SLC12A7: variants seen among roughly 807,000 people sequenced by gnomAD.
SLC12A7 encodes solute carrier family 12 member 7, also known as K-Cl cotransporter 4.
In SLC12A7, 100 loss-of-function variants were observed where a neutral mutation model predicts 120.6. That is an observed-to-expected ratio of 0.83 (90% confidence interval 0.71 to 0.98). The LOEUF is 0.98. SLC12A7 is among the 50% of genes least tolerant of loss of function. The pLI, the probability that SLC12A7 is intolerant of heterozygous loss-of-function variation, is 0.00. For missense variants in SLC12A7, 1,373 were observed against 1,548.1 expected (o/e 0.89, Z 1.90); for synonymous variants, 760 against 678.0 (o/e 1.12, Z -1.88).
chr5:1,078,728 C>T lies in SLC12A7; in HGVS notation c.1427G>A (p.Cys476Tyr). The T allele has an allele frequency of 1.2e-6, 2 of 1,612,232 alleles. No individual in the cohort carries two copies. Among genetic ancestry groups the T allele is most frequent in the Non-Finnish European group, 8.5e-7 (1 of 1,179,772 alleles). The change falls in exon 11 of 24, where the codon TGC becomes TAC. Residue 476 changes from cysteine to tyrosine, a missense_variant. By Grantham distance (194) the Cys-to-Tyr change is radical. Transcript: ENST00000264930. Reference sequence around the variant, plus strand: ...ATCTCGTAAGACCACGCCTTCAATGCAGGCCCCAAACAGCACAATGCAGGA... The same window carrying T: ...ATCTCGTAAGACCACGCCTTCAATGTAGGCCCCAAACAGCACAATGCAGGA... ...YLSCIVLFGA[C>Y]IEGVVLRDKF...
At chr5:1,066,773 G>C (rs1737099872) in intron 17 of SLC12A7, among the ~76,000 whole-genome samples, 1 of 152,186 alleles carries the variant, frequency 6.6e-6, no homozygotes, top group Non-Finnish European at 1.5e-5. Context: ...GGTCGCCCGG[G>C]GGCCCAGGAG....
rs566675182 is a variant in SLC12A7, at chr5:1,064,899, A to T, written c.2437+384T>A. Among the ~76,000 whole-genome samples the T allele has an allele frequency of 6.2e-5, 9 of 144,790 alleles. 1 individual carries two copies. Among genetic ancestry groups the T allele is most frequent in the Admixed American group, 1.4e-4 (2 of 14,656 alleles). 95.0% of individuals were successfully genotyped at this position (144,790 alleles called of 152,430 possible). ...GGGACGGCGAGGAGATGGTGAGGGG[A>T]CCGCGAGGGGACGGCGAGGAGATGG... On this transcript the variant is annotated intron_variant, in intron 18 of 23. Transcript: ENST00000264930.
chr5:1,152,567 ATCCCCCAAGCTAGAGAAGGGAG>A, the SLC12A7 span, among the ~76,000 whole-genome samples: 185 of 148,752 alleles, frequency 1.2e-3, 1 homozygote, highest in South Asian at 3.0e-3. Context: ...GGTAAGGGAG[ATCCCCCAAGCTAGAGAAGGGAG>A]TCCCCCAAGC....
chr5:1,085,593 G>T, intron 6 of SLC12A7, 120 bp from the exon 7 acceptor site: 1 of 1,378,968 alleles, frequency 7.3e-7, no homozygotes, highest in Non-Finnish European at 9.6e-7. Context: ...GGGCCATCGG[G>T]ACGCATCCGT....
chr5:1,107,409 C>T (rs1742613516), intron 1 of SLC12A7, among the ~76,000 whole-genome samples: 1 of 152,200 alleles, frequency 6.6e-6, no homozygotes, highest in South Asian at 2.1e-4. Context: ...GCCCCACGTC[C>T]AAAGGGCAGA....
At chr5:1,102,049 C>G (rs974287205) in intron 1 of SLC12A7, among the ~76,000 whole-genome samples, 7 of 152,204 alleles carry the variant, frequency 4.6e-5, no homozygotes, top group African/African-American at 1.4e-4. Context: ...GAATGCAGAC[C>G]CTGTGGTCAG....
intron 18 of SLC12A7, among the ~76,000 whole-genome samples, chr5:1,064,892 TGAGGGGACCGC>T (rs1387129887): frequency 1.1e-4 from 10 of 88,856 alleles, no homozygotes; most frequent in African/African-American, 5.1e-4. Flanking sequence ...GAGGAGATGG[TGAGGGGACCGC>T]GAGGGGACGG....
chr5:1,118,625 CCT>C, the SLC12A7 span, among the ~76,000 whole-genome samples: 2 of 152,222 alleles, frequency 1.3e-5, no homozygotes, highest in African/African-American at 2.4e-5. Flanking sequence ...CCGGGGGATG[CCT>C]CTTGCCAGGA....
At chr5:1,077,719 G>A (rs1313242701) in intron 12 of SLC12A7, 114 bp downstream of exon 12, 3 of 1,132,086 alleles carry the variant, frequency 2.6e-6, no homozygotes, top group South Asian at 1.7e-5. Context: ...TGACCACCAT[G>A]GGGTCCAAGC....
chr5:1,069,206 C>T, intron 17 of SLC12A7, among the ~76,000 whole-genome samples: 1 of 152,242 alleles, frequency 6.6e-6, no homozygotes, highest in East Asian at 1.9e-4. Context: ...GGTGGCCATC[C>T]ACGTGGCCAA....
chr5:1,149,434 A>T, the SLC12A7 span, among the ~76,000 whole-genome samples: 3 of 151,944 alleles, frequency 2.0e-5, no homozygotes, highest in East Asian at 5.8e-4. Flanking sequence ...AAAATTAGCC[A>T]GGCGTGGTGG....
chr5:1,078,536 A>G (rs1484649414), intron 11 of SLC12A7, 165 bp downstream of exon 11: 1 of 657,894 alleles, frequency 1.5e-6, no homozygotes. Flanking sequence ...CCAGCGGAAG[A>G]GACGACACAT....
At chr5:1,151,486 A>G in the SLC12A7 span, among the ~76,000 whole-genome samples, 2 of 152,136 alleles carry the variant, frequency 1.3e-5, no homozygotes, top group African/African-American at 4.8e-5. The surrounding 1 kb of genome is among the most constrained non-coding windows in gnomAD (Gnocchi z 6.2). Context: ...AGGTATAATT[A>G]TGAGCGTCTG....
intron 5 of SLC12A7, among the ~76,000 whole-genome samples, chr5:1,087,251 T>C (rs1243667812): frequency 2.0e-5 from 3 of 151,962 alleles, no homozygotes; most frequent in Non-Finnish European, 4.4e-5. Context: ...GCACGCGCTC[T>C]CATGGACATG....
Position 1,051,087 on chromosome 5 carries a change from C to A in SLC12A7, c.*1273G>T, listed in dbSNP as rs919423129. 2.0e-5 allele frequency: 8 copies of A among 396,526 alleles called. No individual in the cohort carries two copies. Among genetic ancestry groups the A allele is most frequent in the Non-Finnish European group, 3.1e-5 (7 of 225,362 alleles). The allele number at this position is 396,526 out of a possible 1,614,324, so 24.6% of individuals were successfully genotyped here. On this transcript the variant is annotated 3_prime_UTR_variant, in exon 24 of 24. Coordinates refer to ENST00000264930, the MANE Select transcript of SLC12A7 (RefSeq NM_006598.3). ...GCCACATAGAAAGGGAGGCCCAAGT[C>A]GGTGCCACTGCCCGCAGCCTGCAAA...
At chr5:1,059,250 T>C (rs1735938870) in intron 21 of SLC12A7, among the ~76,000 whole-genome samples, 1 of 151,796 alleles carries the variant, frequency 6.6e-6, no homozygotes, top group Non-Finnish European at 1.5e-5. Flanking sequence ...CTGCCCGGGG[T>C]CTGGGAGTGG....
chr5:1,094,747 G>A (rs968645826), intron 1 of SLC12A7, among the ~76,000 whole-genome samples: 3 of 152,158 alleles, frequency 2.0e-5, no homozygotes, highest in Admixed American at 6.5e-5. Flanking sequence ...CCGCCATTTC[G>A]GAGGGACACA....
intron 1 of SLC12A7, among the ~76,000 whole-genome samples, 157 bp from the exon 2 acceptor site, chr5:1,094,405 C>T (rs1740874129): frequency 6.6e-6 from 1 of 152,214 alleles, no homozygotes; most frequent in African/African-American, 2.4e-5. Context: ...CTCCTTCCTT[C>T]CACACATCTG....
At chr5:1,078,867 C>A (rs377696256) in intron 10 of SLC12A7, 109 bp from the exon 11 acceptor site, 7 of 739,432 alleles carry the variant, frequency 9.5e-6, no homozygotes, top group South Asian at 1.6e-5. Flanking sequence ...GCCAGCGGGC[C>A]GCAGGATCCA....
Sources: allele counts gnomAD v4.1 joint callset (sites outside exome capture counted in the v4.1 genomes callset), GRCh38; gene constraint gnomAD v4.1.1; non-coding constraint Gnocchi (gnomAD v3.1); transcripts MANE v1.5; gene names NCBI Gene and HGNC (gene_info 2026-07-23, HGNC 2026-07-21).